The following SAMD3 variants were observed in gnomAD, a reference collection of about 807,000 sequenced individuals.
SAMD3 encodes the protein sterile alpha motif domain containing 3.
SAMD3 carries 63 observed loss-of-function variants against 58.5 expected under a neutral mutation model. That is an observed-to-expected ratio of 1.08 (90% CI 0.88 to 1.33). The LOEUF (loss-of-function observed/expected upper bound fraction) is 1.33, where lower values mean the gene tolerates loss of function less well. SAMD3 is among the 40% of genes most tolerant of loss of function. SAMD3 has a pLI of 0.00. For synonymous variants in SAMD3, 220 were observed against 210.3 expected, an observed-to-expected ratio of 1.05 and a Z score of -0.40; for missense variants, 604 against 608.4, an observed-to-expected ratio of 0.99 and a Z score of 0.08.
chr6:130,338,925 T>C (rs902459762), intron 1 of SAMD3, among the ~76,000 whole-genome samples: 5 of 152,162 alleles, frequency 3.3e-5, no homozygotes, highest in Admixed American at 6.5e-5. Flanking sequence ...GTTAAGACTT[T>C]GAAGGGACTG....
rs781156054 is a variant in SAMD3, at chr6:130,154,969, T to G, written c.879A>C (p.Gln293His). Residue 293 changes from glutamine to histidine, a missense_variant, in exon 9 of 12, where the codon CAA becomes CAC. Transcript: ENST00000439090. The stretch of plus-strand genomic sequence containing the variant: ...AGTCCTTTTCTGTTTTCACGTATTC[T>G]TGCTGGAACCACTTAATATGTTCAT... The part of the protein sequence containing the change: ...ELDEHIKWFQ[Q>H]EYVKTEKDWR... 6.2e-7 allele frequency: 1 copy of G among 1,613,598 alleles called. No homozygotes were observed. The highest frequency in any genetic ancestry group is 1.1e-5 in the South Asian group (1 of 91,066).
At chr6:130,291,897 T>G (rs1346392708) in intron 2 of SAMD3, among the ~76,000 whole-genome samples, 1 of 152,198 alleles carries the variant, frequency 6.6e-6, no homozygotes, top group Non-Finnish European at 1.5e-5. Flanking sequence ...GTTCTTAATG[T>G]GCCTTTATAT....
chr6:130,206,109 T>C (rs1046839922), intron 5 of SAMD3, among the ~76,000 whole-genome samples: 1 of 152,036 alleles, frequency 6.6e-6, no homozygotes, highest in African/African-American at 2.4e-5. Flanking sequence ...ATAGGGAAAA[T>C]ATTAAAAATA....
At chr6:130,205,601 G>C (rs185136260) in intron 5 of SAMD3, among the ~76,000 whole-genome samples, 1 of 152,160 alleles carries the variant, frequency 6.6e-6, no homozygotes, top group Admixed American at 6.5e-5. Context: ...ACCATGCTCA[G>C]CCCCAAGTTC....
intron 5 of SAMD3, among the ~76,000 whole-genome samples, chr6:130,198,500 C>A (rs1400690404): frequency 6.6e-6 from 1 of 152,194 alleles, no homozygotes; most frequent in Non-Finnish European, 1.5e-5. Flanking sequence ...TGAGCCACCA[C>A]ATCTAGCCTA....
In SAMD3 at chr6:130,332,766, G is replaced by C. The variant is rs540214851; in HGVS notation, c.-303-19673C>G. On this transcript the variant is annotated intron_variant, in intron 1 of 13. Transcript: ENST00000368134. ...TTTTGCTGTGAAGGAGAAAGAATTA[G>C]CTGAGGGAACCCTAGGTCCCGAGAG... Among the ~76,000 whole-genome samples the C allele has an allele frequency of 1.8e-4, 28 of 152,260 alleles. No individual in the cohort carries two copies. The South Asian group carries it at 5.8e-3, about 32-fold the overall frequency.
intron 2 of SAMD3, among the ~76,000 whole-genome samples, chr6:130,290,159 GGT>G (rs71814905): frequency 0.28 from 42,151 of 151,306 alleles, 6,292 homozygotes; most frequent in East Asian, 0.45. Flanking sequence ...ACCAATATGG[GGT>G]GTGTGTGTGT....
upstream of SAMD3, among the ~76,000 whole-genome samples, chr6:130,227,746 C>T (rs1796424028): frequency 6.6e-6 from 1 of 151,440 alleles, no homozygotes; most frequent in Non-Finnish European, 1.5e-5. Context: ...CAAGATTGTG[C>T]CACCACACTC....
intron 2 of SAMD3, among the ~76,000 whole-genome samples, chr6:130,249,757 C>T (rs954041152): frequency 2.0e-5 from 3 of 151,998 alleles, no homozygotes; most frequent in Non-Finnish European, 4.4e-5. Flanking sequence ...CCAGGATGAT[C>T]AGTGTTAGGG....
intron 1 of SAMD3, among the ~76,000 whole-genome samples, chr6:130,335,708 T>C (rs1448002943): frequency 6.6e-6 from 1 of 152,150 alleles, no homozygotes; most frequent in Non-Finnish European, 1.5e-5. Context: ...TAAAGACACA[T>C]GCACACGTAT....
At chr6:130,203,947 C>T (rs924388284) in intron 5 of SAMD3, among the ~76,000 whole-genome samples, 2 of 152,054 alleles carry the variant, frequency 1.3e-5, no homozygotes, top group Non-Finnish European at 2.9e-5. Context: ...AGCCTGCAAA[C>T]AACGCATCAA....
At chr6:130,183,582 C>A in intron 7 of SAMD3, 1 of 357,326 alleles carries the variant, frequency 2.8e-6, no homozygotes, top group Non-Finnish European at 5.4e-6. Flanking sequence ...CCTTCCTAAC[C>A]CTTAAAACCC....
intron 5 of SAMD3, among the ~76,000 whole-genome samples, chr6:130,189,519 C>G (rs777625352): frequency 5.9e-5 from 9 of 152,186 alleles, no homozygotes; most frequent in Non-Finnish European, 1.0e-4. Flanking sequence ...GTTTCTTTTA[C>G]TGTACCCGTT....
At chr6:130,253,264 G>A (rs1773805088) in intron 2 of SAMD3, among the ~76,000 whole-genome samples, 1 of 152,044 alleles carries the variant, frequency 6.6e-6, no homozygotes, top group African/African-American at 2.4e-5. Context: ...ATCCTTGTGT[G>A]AGTCCAGCTC....
chr6:130,231,037 C>T (rs1465575534), intron 2 of SAMD3, among the ~76,000 whole-genome samples: 1 of 151,850 alleles, frequency 6.6e-6, no homozygotes, highest in African/African-American at 2.4e-5. Context: ...TTTCAAAGAC[C>T]TTAAAAATTG....
At position 130,288,316 on chromosome 6, in the gene SAMD3, G is replaced by GTT. The variant is rs1304919667; in HGVS notation, c.-188+24660_-188+24661dup. 7.9e-5 allele frequency among the ~76,000 whole-genome samples: 12 copies of GTT among 152,122 alleles called. 1 individual carries two copies. The South Asian group carries it at 1.0e-3, about 13-fold the overall frequency. ...GCAGGAGTCAATGTTGCAGTCTCAA[G>GTT]TTTGAAGGCAGAATTCCTTCTTCTT... On this transcript the variant is annotated intron_variant, in intron 2 of 13. Coordinates refer to the SAMD3 transcript ENST00000368134.
chr6:130,223,738 G>A (rs1296305186), upstream of SAMD3, among the ~76,000 whole-genome samples: 1 of 152,208 alleles, frequency 6.6e-6, no homozygotes, highest in East Asian at 1.9e-4. Context: ...CCCCTAGAGG[G>A]AGCATGCAGA....
At chr6:130,295,724 T>C (rs115598258) in intron 2 of SAMD3, among the ~76,000 whole-genome samples, 185 of 152,050 alleles carry the variant, frequency 1.2e-3, no homozygotes, top group African/African-American at 4.2e-3. Flanking sequence ...GGGTAGAAAA[T>C]GGATATTGGG....
In SAMD3 at chr6:130,167,821, A is replaced by G. The variant is rs367898380; in HGVS notation, c.822+8020T>C. Reference sequence around the variant, plus strand: ...TGGAAAGGCATTTTTAAACATTGCAAAATACCCGGCATTATGCAAGATTGG... The same window carrying G: ...TGGAAAGGCATTTTTAAACATTGCAGAATACCCGGCATTATGCAAGATTGG... On this transcript the variant is annotated intron_variant, in intron 8 of 11. Coordinates refer to ENST00000439090, the MANE Select transcript of SAMD3 (RefSeq NM_001017373.4). 6.6e-5 allele frequency among the ~76,000 whole-genome samples: 10 copies of G among 152,320 alleles called. No individual in the cohort carries two copies. In the South Asian group the frequency reaches 8.3e-4, roughly 13 times the overall value.
Sources: gnomAD v4.1 joint callset for allele counts (sites outside exome capture counted in the v4.1 genomes callset) on GRCh38, gnomAD v4.1.1 for gene constraint, MANE v1.5 for transcripts, NCBI Gene and HGNC (gene_info 2026-07-23, HGNC 2026-07-21) for gene names.